The following SCHIP1 variants were observed in gnomAD, a reference collection of about 807,000 sequenced individuals.
SCHIP1 encodes schwannomin interacting protein 1, also known as schwannomin-interacting protein 1.
Under a neutral mutation model 29.7 loss-of-function variants are expected in SCHIP1, and 8 were observed. The ratio of observed to expected loss-of-function variants is 0.27; its 90% CI spans 0.16 to 0.49. The LOEUF (loss-of-function observed/expected upper bound fraction) is 0.49, where lower values mean the gene tolerates loss of function less well. SCHIP1 is among the 20% of genes least tolerant of loss of function. The pLI, the probability that SCHIP1 is intolerant of heterozygous loss-of-function variation, is 0.99. For missense variants in SCHIP1, 193 were observed against 294.6 expected (o/e 0.66, Z 2.52); for synonymous variants, 76 against 94.9 (o/e 0.80, Z 1.16).
At chr3:159,691,538 C>T in the SCHIP1 span, among the ~76,000 whole-genome samples, 1 of 150,826 alleles carries the variant, frequency 6.6e-6, no homozygotes, top group East Asian at 2.0e-4. Context: ...ACCAATCGGT[C>T]TTGACTCTTT....
the SCHIP1 span, among the ~76,000 whole-genome samples, chr3:159,521,484 A>G: frequency 6.6e-6 from 1 of 152,258 alleles, no homozygotes; most frequent in South Asian, 2.1e-4. Context: ...CACGAAAGGT[A>G]CTACTGACTG....
the SCHIP1 span, among the ~76,000 whole-genome samples, chr3:159,626,503 G>T: frequency 6.6e-6 from 1 of 151,750 alleles, no homozygotes; most frequent in Non-Finnish European, 1.5e-5. Context: ...TATACTAGTG[G>T]CTCTCTATCA....
chr3:159,418,160 T>C, the SCHIP1 span, among the ~76,000 whole-genome samples: 1 of 152,210 alleles, frequency 6.6e-6, no homozygotes, highest in Non-Finnish European at 1.5e-5. Flanking sequence ...CAAAAAGACC[T>C]ACCTTTTTGT....
chr3:159,411,920 A>C, the SCHIP1 span, among the ~76,000 whole-genome samples: 8 of 152,216 alleles, frequency 5.3e-5, no homozygotes, highest in Non-Finnish European at 1.2e-4. Flanking sequence ...AGAAAAGCCT[A>C]GACTTGAAAG....
At chr3:159,345,225 T>G in the SCHIP1 span, among the ~76,000 whole-genome samples, 1 of 48,614 alleles carries the variant, frequency 2.1e-5, no homozygotes, top group African/African-American at 6.7e-5. Flanking sequence ...AGACTCTGTC[T>G]CAAAAAAAAA....
At chr3:159,628,835 A>C in the SCHIP1 span, among the ~76,000 whole-genome samples, 1 of 152,188 alleles carries the variant, frequency 6.6e-6, no homozygotes, top group African/African-American at 2.4e-5. Flanking sequence ...TCAAAGCAGC[A>C]CCTGATTATG....
At chr3:159,297,928 C>T in the SCHIP1 span, among the ~76,000 whole-genome samples, 7 of 152,300 alleles carry the variant, frequency 4.6e-5, 1 homozygote, top group Middle Eastern at 0.014. Context: ...GCTCAACATA[C>T]TGTATTTTTC....
the SCHIP1 span, among the ~76,000 whole-genome samples, chr3:159,791,364 A>G: frequency 6.6e-6 from 1 of 152,278 alleles, no homozygotes; most frequent in Non-Finnish European, 1.5e-5. Context: ...TAGTAACGGC[A>G]AGAAGCAGCC....
chr3:159,843,045 T>C (rs1454419048), intron 1 of SCHIP1, among the ~76,000 whole-genome samples: 3 of 132,714 alleles, frequency 2.3e-5, no homozygotes, highest in Admixed American at 8.0e-5. Flanking sequence ...GGAGTCTCAC[T>C]CTGTTGCCCA....
chr3:159,590,051 G>A, the SCHIP1 span, among the ~76,000 whole-genome samples: 1 of 152,142 alleles, frequency 6.6e-6, no homozygotes, highest in African/African-American at 2.4e-5. Context: ...TAGGAATCCT[G>A]TGCTTTTCTT....
At chr3:159,478,572 G>A in the SCHIP1 span, among the ~76,000 whole-genome samples, 28 of 152,038 alleles carry the variant, frequency 1.8e-4, no homozygotes, top group Admixed American at 6.6e-4. Context: ...AGGGTCTTTT[G>A]TGTTTTCATA....
the SCHIP1 span, among the ~76,000 whole-genome samples, chr3:159,379,453 C>A: frequency 1.3e-5 from 2 of 152,178 alleles, no homozygotes; most frequent in African/African-American, 4.8e-5. Flanking sequence ...AAACTCCTGA[C>A]CTCAGGTGAT....
chr3:159,732,230 C>A, the SCHIP1 span, among the ~76,000 whole-genome samples: 4 of 152,240 alleles, frequency 2.6e-5, no homozygotes, highest in African/African-American at 9.6e-5. Flanking sequence ...AGGCTGAAGC[C>A]TGGCAGGCAA....
At chr3:159,553,636 G>A in the SCHIP1 span, among the ~76,000 whole-genome samples, 47 of 152,252 alleles carry the variant, frequency 3.1e-4, no homozygotes, top group African/African-American at 1.0e-3. Flanking sequence ...ATAGAAACAG[G>A]GTCTTGCTCT....
At chr3:159,834,122 A>G in the SCHIP1 span, among the ~76,000 whole-genome samples, 1 of 152,198 alleles carries the variant, frequency 6.6e-6, no homozygotes. Flanking sequence ...CCATTTCATC[A>G]TGTTACCATG....
the SCHIP1 span, among the ~76,000 whole-genome samples, chr3:159,351,963 G>A: frequency 4.6e-3 from 698 of 152,320 alleles, 5 homozygotes; most frequent in African/African-American, 0.016. Flanking sequence ...AGGTGCTACT[G>A]AGATGATAAT....
chr3:159,532,641 A>G, the SCHIP1 span, among the ~76,000 whole-genome samples: 2 of 152,252 alleles, frequency 1.3e-5, no homozygotes, highest in Admixed American at 1.3e-4. Context: ...GATACACCAG[A>G]AAAATAATAC....
the SCHIP1 span, among the ~76,000 whole-genome samples, chr3:159,426,285 A>G: frequency 6.6e-6 from 1 of 152,354 alleles, no homozygotes; most frequent in East Asian, 1.9e-4. Flanking sequence ...ATAGACCAGT[A>G]GCAAGACTAA....
chr3:159,820,199 GC>G, the SCHIP1 span, among the ~76,000 whole-genome samples: 1 of 152,056 alleles, frequency 6.6e-6, no homozygotes, highest in East Asian at 1.9e-4. Context: ...GACTTCTATG[GC>G]CCCAAAAGAG....
Sources: allele counts gnomAD v4.1 joint callset (sites outside exome capture counted in the v4.1 genomes callset), GRCh38; gene constraint gnomAD v4.1.1; transcripts MANE v1.5; gene names NCBI Gene and HGNC (gene_info 2026-07-23, HGNC 2026-07-21).